PPP2R5A: variants seen among roughly 807,000 people sequenced by gnomAD.
The protein encoded by PPP2R5A is protein phosphatase 2 regulatory subunit B'alpha, also known as serine/threonine-protein phosphatase 2A 56 kDa regulatory subunit alpha isoform.
In PPP2R5A, 25 loss-of-function variants were observed where a neutral mutation model predicts 64.2. The observed-to-expected ratio is 0.39, with a 90% CI of 0.28 to 0.54. The LOEUF (loss-of-function observed/expected upper bound fraction) is 0.54, where lower values mean the gene tolerates loss of function less well. Ranked by LOEUF, PPP2R5A falls within the 20% of genes least tolerant of loss-of-function variation. PPP2R5A has a pLI of 0.67. For missense variants in PPP2R5A, 425 were observed against 576.3 expected (o/e 0.74, Z 2.69); for synonymous variants, 198 against 201.2 (o/e 0.98, Z 0.13).
chr1:212,346,804 TG>T, intron 5 of PPP2R5A, among the ~76,000 whole-genome samples: 1 of 152,190 alleles, frequency 6.6e-6, no homozygotes, highest in East Asian at 1.9e-4. Context: ...GAGTAATATC[TG>T]CCTCCTCTAG....
intron 8 of PPP2R5A, among the ~76,000 whole-genome samples, chr1:212,354,710 AAGAG>A (rs1159830690): frequency 7.6e-6 from 1 of 132,170 alleles, no homozygotes; most frequent in Non-Finnish European, 1.6e-5. Context: ...CCTCATCAAA[AAGAG>A]AGAGAAATGT....
chr1:212,320,825 C>T (rs1336417035), intron 1 of PPP2R5A, among the ~76,000 whole-genome samples: 7 of 138,234 alleles, frequency 5.1e-5, no homozygotes, highest in Non-Finnish European at 1.1e-4. Flanking sequence ...ACCCCCCCAC[C>T]TCCCTCCTGG....
intron 1 of PPP2R5A, among the ~76,000 whole-genome samples, chr1:212,300,145 A>C (rs747389029): frequency 6.6e-6 from 1 of 152,192 alleles, no homozygotes; most frequent in Non-Finnish European, 1.5e-5. Context: ...CATATAGGAA[A>C]GGTAAAAATA....
chr1:212,321,825 G>A (rs1182401716), intron 1 of PPP2R5A, among the ~76,000 whole-genome samples: 2 of 151,330 alleles, frequency 1.3e-5, no homozygotes, highest in African/African-American at 4.9e-5. Context: ...ACTTTGCGGG[G>A]CCAAGGCAGG....
chr1:212,332,620 T>G (rs1168040067), intron 2 of PPP2R5A, among the ~76,000 whole-genome samples: 2 of 152,180 alleles, frequency 1.3e-5, no homozygotes, highest in Non-Finnish European at 2.9e-5. Context: ...AATTAAATCA[T>G]CAAAAGGTAT....
At chr1:212,335,122 A>ATT (rs969649514) in intron 3 of PPP2R5A, among the ~76,000 whole-genome samples, 3 of 150,796 alleles carry the variant, frequency 2.0e-5, no homozygotes, top group Non-Finnish European at 4.4e-5. Flanking sequence ...TAATTTGCTG[A>ATT]TTTTTTTTTA....
chr1:212,317,479 TG>T (rs1659179058), intron 1 of PPP2R5A, among the ~76,000 whole-genome samples: 1 of 144,964 alleles, frequency 6.9e-6, no homozygotes, highest in South Asian at 2.2e-4. Context: ...TGTAAAGCAG[TG>T]GTTTTCAAAC....
intron 11 of PPP2R5A, chr1:212,357,845 G>GGA (rs1553277593): frequency 6.7e-6 from 1 of 149,574 alleles, no homozygotes; most frequent in Non-Finnish European, 1.5e-5. Context: ...TGCCCAGACT[G>GGA]GAGTGCAATG....
rs972752411 is a variant in PPP2R5A at position 212,329,089 on chromosome 1, C to T, written c.182-46C>T. 3 of 1,313,124 alleles carry T rather than the reference C, an allele frequency of 2.3e-6. No individual in the cohort carries two copies. The African/African-American group carries it at 4.6e-5, about 20-fold the overall frequency. The allele number at this position is 1,313,124 out of a possible 1,614,324, so 81.3% of individuals were successfully genotyped here. On this transcript the variant is annotated intron_variant, in intron 1 of 12. Transcript: ENST00000261461. ...AAAATTAATAAATATATAAAAGTAA[C>T]TTCTGAGTAGGTTATTTCTAAGTTT...
rs150390270 is a variant in PPP2R5A at position 212,349,343 on chromosome 1, C to T, written c.927+101C>T. 3,300 of 803,654 alleles carry T rather than the reference C, an allele frequency of 4.1e-3. 13 individuals carry two copies. The highest frequency in any genetic ancestry group is 5.2e-3 in the Non-Finnish European group (2,871 of 552,598). 49.8% of individuals were successfully genotyped at this position (803,654 alleles called of 1,614,324 possible). A position where few individuals can be genotyped will look rare whatever the true frequency, so the allele number is the denominator to read the frequency against. On this transcript the variant is annotated intron_variant, in intron 8 of 12. Coordinates refer to ENST00000261461, the MANE Select transcript of PPP2R5A (RefSeq NM_006243.4). The stretch of plus-strand genomic sequence containing the variant: ...TATAGTTATTAAGTAGAATAATGTA[C>T]GTTAAGCTAAAATCATTTAGAAGAA...
At chr1:212,296,038 G>C (rs1286336576) in intron 1 of PPP2R5A, among the ~76,000 whole-genome samples, 2 of 152,108 alleles carry the variant, frequency 1.3e-5, no homozygotes, top group Non-Finnish European at 2.9e-5. Context: ...ACTTGGGCCT[G>C]GGTAGTAGCC....
chr1:212,355,522 T>C (rs1473379091), intron 8 of PPP2R5A, among the ~76,000 whole-genome samples: 1 of 152,212 alleles, frequency 6.6e-6, no homozygotes, highest in Non-Finnish European at 1.5e-5. Flanking sequence ...TAGATGGTTT[T>C]ACAGCCTGTC....
intron 7 of PPP2R5A, 26 bp from the exon 8 acceptor site, chr1:212,349,163 T>C (rs759960386): frequency 1.4e-6 from 2 of 1,447,702 alleles, no homozygotes; most frequent in Non-Finnish European, 1.9e-6. Flanking sequence ...CTCACTAATA[T>C]TTATAAACTG....
At chr1:212,311,444 C>T (rs140691775) in intron 1 of PPP2R5A, among the ~76,000 whole-genome samples, 91 of 149,676 alleles carry the variant, frequency 6.1e-4, no homozygotes, top group African/African-American at 2.0e-3. Flanking sequence ...CCAGCCTGGG[C>T]GACAGAGCAA....
chr1:212,342,818 G>A (rs1305297407), intron 4 of PPP2R5A, among the ~76,000 whole-genome samples: 1 of 151,358 alleles, frequency 6.6e-6, no homozygotes. Flanking sequence ...CATTAAGAAC[G>A]TAAGGAGGTA....
chr1:212,315,745 A>T (rs993858971), intron 1 of PPP2R5A, among the ~76,000 whole-genome samples: 1 of 152,082 alleles, frequency 6.6e-6, no homozygotes, highest in African/African-American at 2.4e-5. Context: ...CATTTCCCAG[A>T]TATTGTGTGT....
In PPP2R5A at chr1:212,360,814, GCTT is replaced by G; in HGVS notation, c.*45_*47del. 6.8e-7 allele frequency: 1 copy of G among 1,473,700 alleles called. No individual in the cohort carries two copies. Among genetic ancestry groups the G allele is most frequent in the African/African-American group, 1.4e-5 (1 of 69,438 alleles). 91.3% of individuals were successfully genotyped at this position (1,473,700 alleles called of 1,614,324 possible). On this transcript the variant is annotated 3_prime_UTR_variant, in exon 13 of 13. Coordinates refer to ENST00000261461, the MANE Select transcript of PPP2R5A (RefSeq NM_006243.4). ...CTGCCGGATAGGCAGAGTTTTGTAT[GCTT>G]TTTTGAAATATGTAAAAATTACAAA...
Position 212,285,843 on chromosome 1 carries a change from A to G in PPP2R5A, c.-268A>G, listed in dbSNP as rs1187038062. 3.6e-5 allele frequency: 13 copies of G among 358,472 alleles called. No homozygotes were observed. Among genetic ancestry groups the G allele is most frequent in the South Asian group, 9.9e-5 (1 of 10,122 alleles). 22.2% of individuals were successfully genotyped at this position (358,472 alleles called of 1,614,324 possible). ...CGCGCCCAGAGTCAACAACTTCTTC[A>G]CCCCCCTCCGCCCCCGCCCTTCCCT... On this transcript the variant is annotated 5_prime_UTR_variant, in exon 1 of 13. Transcript: ENST00000261461.
chr1:212,306,750 T>TTTAC (rs1164985458), intron 1 of PPP2R5A: 1 of 147,578 alleles, frequency 6.8e-6, no homozygotes, highest in Non-Finnish European at 1.5e-5. Context: ...CATTTATTTA[T>TTTAC]TTATTTATTT....
Sources: gnomAD v4.1 joint callset for allele counts (sites outside exome capture counted in the v4.1 genomes callset) on GRCh38, gnomAD v4.1.1 for gene constraint, MANE v1.5 for transcripts, NCBI Gene and HGNC (gene_info 2026-07-23, HGNC 2026-07-21) for gene names.